The following CHST3 variants were observed in gnomAD, a reference collection of about 807,000 sequenced individuals.
CHST3 encodes the protein C6ST-1.
Under a neutral mutation model 35.4 loss-of-function variants are expected in CHST3, and 20 were observed. The ratio of observed to expected loss-of-function variants is 0.57; its 90% CI spans 0.40 to 0.82. The LOEUF (loss-of-function observed/expected upper bound fraction) is 0.82, where lower values mean the gene tolerates loss of function less well. Ranked by LOEUF, CHST3 falls within the 40% of genes least tolerant of loss-of-function variation. The probability of loss-of-function intolerance (pLI) is 0.00; values close to 1 mark genes in which losing one functional copy is unlikely to be tolerated. For synonymous variants in CHST3, 334 were observed against 295.9 expected, an observed-to-expected ratio of 1.13 and a Z score of -1.32; for missense variants, 693 against 670.1, an observed-to-expected ratio of 1.03 and a Z score of -0.38.
chr10:71,973,680 G>A (rs1839718129), intron 1 of CHST3, among the ~76,000 whole-genome samples: 1 of 152,262 alleles, frequency 6.6e-6, no homozygotes, highest in Non-Finnish European at 1.5e-5. Context: ...GGACTTTCAA[G>A]CTGGAAGAGA....
At chr10:71,990,520 T>C (rs544829299) in intron 1 of CHST3, among the ~76,000 whole-genome samples, 2 of 152,314 alleles carry the variant, frequency 1.3e-5, no homozygotes, top group Admixed American at 6.5e-5. Context: ...TACGCCTCCA[T>C]GCCCAGCTAA....
At position 72,005,937 on chromosome 10, in the gene CHST3, T is replaced by A; in HGVS notation, c.95T>A (p.Val32Glu). The A allele has an allele frequency of 6.2e-7, 1 of 1,614,238 alleles. No homozygotes were observed. Among genetic ancestry groups the A allele is most frequent in the South Asian group, 1.1e-5 (1 of 91,082 alleles). The change falls in exon 2 of 3, where the codon GTG becomes GAG. Residue 32 changes from valine to glutamate, a missense_variant. By Grantham distance (121) the Val-to-Glu change is moderately radical. Coordinates refer to ENST00000373115, the MANE Select transcript of CHST3 (RefSeq NM_004273.5). ...TACGCCCTTTTCTTGGTTTTTGTGGTGATAGTTTTTGTCTTCATCGAAAAG... is the reference window on the plus strand; with the variant it reads ...TACGCCCTTTTCTTGGTTTTTGTGGAGATAGTTTTTGTCTTCATCGAAAAG... Reference protein sequence around the residue: ...SKYALFLVFVVIVFVFIEKEN... With the variant: ...SKYALFLVFVEIVFVFIEKEN...
At chr10:71,994,593 G>A (rs902708043) in intron 1 of CHST3, among the ~76,000 whole-genome samples, 4 of 152,186 alleles carry the variant, frequency 2.6e-5, no homozygotes, top group South Asian at 2.1e-4. Flanking sequence ...AAGGGTCAAC[G>A]AGCATTGGCT....
intron 1 of CHST3, among the ~76,000 whole-genome samples, chr10:71,967,888 C>A (rs545005764): frequency 9.9e-5 from 15 of 152,088 alleles, no homozygotes; most frequent in Admixed American, 2.0e-4. Context: ...GTGGTGCGAT[C>A]TTGGCTCACT....
intron 1 of CHST3, among the ~76,000 whole-genome samples, chr10:71,998,223 C>G (rs1189652280): frequency 2.6e-5 from 4 of 152,254 alleles, no homozygotes; most frequent in Non-Finnish European, 5.9e-5. Flanking sequence ...TGATGGTGCC[C>G]CCTGCATGGC....
chr10:72,006,103 G>A (rs1279711320), intron 2 of CHST3, 121 bp downstream of exon 2: 2 of 1,291,134 alleles, frequency 1.5e-6, no homozygotes, highest in Admixed American at 1.8e-5. Context: ...CCATCCCCAG[G>A]CCCCTTCTAT....
intron 1 of CHST3, among the ~76,000 whole-genome samples, chr10:71,968,603 A>G (rs1839655199): frequency 6.6e-6 from 1 of 152,168 alleles, no homozygotes; most frequent in Non-Finnish European, 1.5e-5. Context: ...GCTGTCTGCA[A>G]GGCCCTTATT....
chr10:71,978,903 C>T (rs1839773068), intron 1 of CHST3, among the ~76,000 whole-genome samples: 1 of 152,144 alleles, frequency 6.6e-6, no homozygotes, highest in Non-Finnish European at 1.5e-5. Flanking sequence ...CTGGACCCCT[C>T]CCCAGGATGC....
At chr10:71,978,851 TG>T (rs1839772414) in intron 1 of CHST3, among the ~76,000 whole-genome samples, 1 of 152,162 alleles carries the variant, frequency 6.6e-6, no homozygotes, top group African/African-American at 2.4e-5. Context: ...CACAGCTCTG[TG>T]GGCCAAGAGC....
At position 71,998,746 on chromosome 10, in the gene CHST3, A is replaced by G. The variant is rs111428892; in HGVS notation, c.-107-6990A>G. Among the ~76,000 whole-genome samples, 624 of 152,332 alleles carry G rather than the reference A, an allele frequency of 4.1e-3. 2 individuals carry two copies. The highest frequency in any genetic ancestry group is 0.014 in the African/African-American group (587 of 41,576). On this transcript the variant is annotated intron_variant, in intron 1 of 2. Coordinates refer to ENST00000373115, the MANE Select transcript of CHST3 (RefSeq NM_004273.5). ...GGACATCCACTGACACTCAGGTGAC[A>G]CACCTTTGCCTGCTTCTACTCAGTC...
At chr10:71,967,063 G>A (rs1408630415) in intron 1 of CHST3, among the ~76,000 whole-genome samples, 3 of 152,148 alleles carry the variant, frequency 2.0e-5, no homozygotes, top group Non-Finnish European at 4.4e-5. Flanking sequence ...GCAGTGGCAC[G>A]ATCACTGCCA....
rs1301480003 is a variant in CHST3, at chr10:72,007,631, G to T, written c.600G>T (p.Leu200=). The T allele has an allele frequency of 6.2e-7, 1 of 1,610,000 alleles. No homozygotes were observed. Among genetic ancestry groups the T allele is most frequent in the South Asian group, 1.1e-5 (1 of 90,842 alleles). The change falls in exon 3 of 3, where the codon CTG becomes CTT. Residue 200 remains leucine (L), a synonymous_variant. Coordinates refer to ENST00000373115, the MANE Select transcript of CHST3 (RefSeq NM_004273.5). ...DVLKQLFLCD[L]YVLEHFITPL... is the part of the protein sequence containing the mutation. ...TCAAGCAGCTCTTCCTGTGCGACCTGTACGTGCTGGAGCACTTCATCACGC... is the reference window on the plus strand; with the variant it reads ...TCAAGCAGCTCTTCCTGTGCGACCTTTACGTGCTGGAGCACTTCATCACGC...
In CHST3 at chr10:72,005,888, C is replaced by T; in HGVS notation, c.46C>T (p.His16Tyr). ...TLPQDCRDFV[H>Y]SLKMRSKYAL... is the part of the protein sequence containing the mutation. The stretch of plus-strand genomic sequence containing the variant: ...GCCCCAGGACTGCCGGGACTTTGTG[C>T]ACAGCCTGAAGATGAGAAGCAAATA... Residue 16 changes from histidine (H) to tyrosine (Y), a missense_variant, in exon 2 of 3, where the codon CAC becomes TAC. His to Tyr is a moderately conservative substitution (Grantham distance 83). Coordinates refer to ENST00000373115, the MANE Select transcript of CHST3 (RefSeq NM_004273.5). The T allele has an allele frequency of 6.2e-7, 1 of 1,614,228 alleles. No homozygotes were observed.
chr10:72,007,426 G>T lies in CHST3; in HGVS notation c.395G>T (p.Arg132Leu). Residue 132 changes from arginine to leucine, a missense_variant, in exon 3 of 3, where the codon CGG becomes CTG. By Grantham distance (102) the Arg-to-Leu change is moderately radical (BLOSUM62 -2). Coordinates refer to ENST00000373115, the MANE Select transcript of CHST3 (RefSeq NM_004273.5). ...EPPRPAVAGP[R>L]RHVLLMATTR... ...CCCAGACCGGCCGTGGCGGGGCCCCGGCGCCACGTGCTGCTCATGGCCACC... is the reference window on the plus strand; with the variant it reads ...CCCAGACCGGCCGTGGCGGGGCCCCTGCGCCACGTGCTGCTCATGGCCACC... The T allele has an allele frequency of 5.0e-6, 8 of 1,602,716 alleles. No homozygotes were observed. Among genetic ancestry groups the T allele is most frequent in the South Asian group, 1.1e-5 (1 of 90,680 alleles).
intron 1 of CHST3, among the ~76,000 whole-genome samples, chr10:71,996,296 C>A (rs1035663154): frequency 6.6e-5 from 10 of 152,104 alleles, no homozygotes; most frequent in Admixed American, 3.9e-4. Flanking sequence ...GGTCATAGGA[C>A]CTCAAAGACA....
At chr10:71,991,446 C>G (rs1839895787) in intron 1 of CHST3, among the ~76,000 whole-genome samples, 1 of 152,214 alleles carries the variant, frequency 6.6e-6, no homozygotes. Flanking sequence ...TCCAGACACA[C>G]TCCAGTGGCC....
intron 1 of CHST3, among the ~76,000 whole-genome samples, chr10:71,990,645 G>A (rs1008983593): frequency 1.3e-5 from 2 of 152,158 alleles, no homozygotes; most frequent in African/African-American, 4.8e-5. Context: ...TTACAGGCAT[G>A]AGCCACCATG....
intron 1 of CHST3, among the ~76,000 whole-genome samples, chr10:71,976,774 A>AT (rs1489907578): frequency 1.3e-5 from 2 of 152,186 alleles, no homozygotes; most frequent in African/African-American, 4.8e-5. Context: ...ACTTGTTAAA[A>AT]TGACTTTTCT....
intron 1 of CHST3, among the ~76,000 whole-genome samples, chr10:71,970,826 T>C (rs1839686686): frequency 6.6e-6 from 1 of 152,234 alleles, no homozygotes; most frequent in Admixed American, 6.5e-5. Flanking sequence ...AAGCTAATTT[T>C]CCCGTTATGT....
Sources: gnomAD v4.1 joint callset for allele counts (sites outside exome capture counted in the v4.1 genomes callset) on GRCh38, gnomAD v4.1.1 for gene constraint, MANE v1.5 for transcripts, NCBI Gene and HGNC (gene_info 2026-07-23, HGNC 2026-07-21) for gene names.